KDM2B: variants seen among roughly 807,000 people sequenced by gnomAD.
KDM2B encodes the protein lysine-specific demethylase 2B.
Under a neutral mutation model 150.0 loss-of-function variants are expected in KDM2B, and 26 were observed. That is an observed-to-expected ratio of 0.17 (90% CI 0.13 to 0.24). KDM2B has a LOEUF of 0.24. Among genes scored for constraint, KDM2B ranks in the 10% least tolerant of loss-of-function variants. The pLI is 1.00. For synonymous variants in KDM2B, 734 were observed against 729.5 expected, an observed-to-expected ratio of 1.01 and a Z score of -0.10; for missense variants, 1,265 against 1,816.9, an observed-to-expected ratio of 0.70 and a Z score of 5.52.
Position 121,539,858 on chromosome 12 carries a change from G to C in KDM2B, c.684-5268C>G, listed in dbSNP as rs1009561668. Among the ~76,000 whole-genome samples the C allele has an allele frequency of 3.3e-5, 5 of 152,164 alleles. No homozygotes were observed. The East Asian group carries it at 9.7e-4, about 29-fold the overall frequency. On this transcript the variant is annotated intron_variant, in intron 6 of 22. Coordinates refer to ENST00000377071, the MANE Select transcript of KDM2B (RefSeq NM_032590.5). ...GAGTTTAAGAGATTCTCATGCCTCA[G>C]CTTCCCAAGTAGCTGGGACTCCAGG... is the stretch of plus-strand genomic sequence containing the variant.
At chr12:121,485,767 A>T (rs1490632427) in intron 12 of KDM2B, among the ~76,000 whole-genome samples, 1 of 151,686 alleles carries the variant, frequency 6.6e-6, no homozygotes, top group Non-Finnish European at 1.5e-5. Context: ...AGGTAAAAAT[A>T]GTTGAAATGA....
chr12:121,559,551 G>A (rs782500954), intron 4 of KDM2B, among the ~76,000 whole-genome samples: 3 of 152,114 alleles, frequency 2.0e-5, no homozygotes, highest in East Asian at 1.9e-4. Context: ...GCAACAGAGG[G>A]GACCAGGGAG....
Position 121,533,042 on chromosome 12 carries a change from G to T in KDM2B, c.778-83C>A, listed in dbSNP as rs1366823003. On this transcript the variant is annotated intron_variant, in intron 7 of 22. Coordinates refer to ENST00000377071, the MANE Select transcript of KDM2B (RefSeq NM_032590.5). The surrounding 1 kb of genome is among the most constrained non-coding windows in gnomAD (Gnocchi z 4.1). Reference sequence around the variant, plus strand: ...GAGGGCCCCACCTGCCTGGCGGAAGGGGAGGGGGCGAGACAAGCTGTGTGT... The same window carrying T: ...GAGGGCCCCACCTGCCTGGCGGAAGTGGAGGGGGCGAGACAAGCTGTGTGT... 3.0e-5 allele frequency: 43 copies of T among 1,426,778 alleles called. No individual in the cohort carries two copies. The highest frequency in any genetic ancestry group is 4.1e-5 in the Non-Finnish European group (42 of 1,028,946). The allele number at this position is 1,426,778 out of a possible 1,614,324, so 88.4% of individuals were successfully genotyped here. A position where few individuals can be genotyped will look rare whatever the true frequency, so the allele number is the denominator to read the frequency against.
intron 6 of KDM2B, among the ~76,000 whole-genome samples, chr12:121,543,972 G>A (rs1888811746): frequency 6.6e-6 from 1 of 151,788 alleles, no homozygotes; most frequent in Admixed American, 6.6e-5. Flanking sequence ...AAATTAGCCA[G>A]GCGTGGTGGT....
chr12:121,433,086 T>C (rs1408385506), intron 22 of KDM2B: 2 of 452,182 alleles, frequency 4.4e-6, no homozygotes, highest in African/African-American at 4.0e-5. Context: ...TTTTCTGAGT[T>C]GTCTTTGGGT....
Position 121,444,124 on chromosome 12 carries a change from T to G in KDM2B, c.2339A>C (p.Glu780Ala). The G allele has an allele frequency of 1.2e-6, 2 of 1,613,348 alleles. No individual in the cohort carries two copies. The highest frequency in any genetic ancestry group is 1.7e-6 in the Non-Finnish European group (2 of 1,180,032). Residue 780 changes from glutamate to alanine, a missense_variant, in exon 16 of 23, where the codon GAG becomes GCG. Around this residue, in one of 11 missense-constraint regions of KDM2B, gnomAD observed 418 missense variants for 402.4 expected, o/e 1.04. Coordinates refer to ENST00000377071, the MANE Select transcript of KDM2B (RefSeq NM_032590.5). Reference protein sequence around the residue: ...CEEAPRRRSDEHSKKVPPDGL... With the variant: ...CEEAPRRRSDAHSKKVPPDGL... ...GTCCGGCGGCACCTTCTTCGAGTGC[T>G]CATCCGACCTGCGCCGGGGCGCCTC... is the stretch of plus-strand genomic sequence containing the variant.
the KDM2B span, among the ~76,000 whole-genome samples, chr12:121,412,495 G>T: frequency 6.6e-6 from 1 of 151,380 alleles, no homozygotes. Context: ...TGCCTGCCTT[G>T]TCCTCCCAAA....
rs1886682316 is a variant in KDM2B, at chr12:121,521,441, C to T, written c.932-341G>A. On this transcript the variant is annotated intron_variant, in intron 8 of 22. Coordinates refer to ENST00000377071, the MANE Select transcript of KDM2B (RefSeq NM_032590.5). The surrounding 1 kb of genome is among the most constrained non-coding windows in gnomAD (Gnocchi z 4.9). ...AGCAGAGAGGCAGGCCCTTTCTCCA[C>T]CTCCATGCAGGCCACGGAGCCTCAC... Among the ~76,000 whole-genome samples, 1 of 152,316 alleles carries T rather than the reference C, an allele frequency of 6.6e-6. No individual in the cohort carries two copies. The highest frequency in any genetic ancestry group is 2.1e-4 in the South Asian group (1 of 4,830).
At chr12:121,547,887 C>T (rs1336944077) in intron 6 of KDM2B, among the ~76,000 whole-genome samples, 2 of 152,026 alleles carry the variant, frequency 1.3e-5, no homozygotes, top group South Asian at 2.1e-4. Context: ...GTGATCTGCC[C>T]GCCTCAGCCT....
downstream of KDM2B, among the ~76,000 whole-genome samples, chr12:121,426,330 C>T (rs1322375917): frequency 2.6e-5 from 4 of 151,942 alleles, no homozygotes; most frequent in Non-Finnish European, 5.9e-5. Flanking sequence ...AAATGTCAGA[C>T]AACAGAAATG....
At chr12:121,499,877 A>G (rs1356046884) in intron 11 of KDM2B, among the ~76,000 whole-genome samples, 12 of 151,984 alleles carry the variant, frequency 7.9e-5, no homozygotes, top group African/African-American at 2.9e-4. Flanking sequence ...TTGAACCCGG[A>G]GGCAGAGGTT....
intron 21 of KDM2B, 185 bp downstream of exon 21, chr12:121,440,631 A>G (rs112411464): frequency 3.4e-6 from 2 of 592,106 alleles, no homozygotes; most frequent in African/African-American, 3.7e-5. Context: ...AGCGAGTCTC[A>G]CGTGTGCACA....
intron 11 of KDM2B, among the ~76,000 whole-genome samples, chr12:121,505,072 A>C (rs1443827833): frequency 6.7e-6 from 1 of 148,216 alleles, no homozygotes; most frequent in South Asian, 2.1e-4. Flanking sequence ...AGCCGAGATC[A>C]CGCCACTGCA....
chr12:121,542,650 G>A (rs1264785860), intron 6 of KDM2B, among the ~76,000 whole-genome samples: 2 of 152,196 alleles, frequency 1.3e-5, no homozygotes, highest in Admixed American at 1.3e-4. Context: ...CTATCTATTT[G>A]GTTATAAGGA....
At chr12:121,563,476 G>T (rs1184079116) in intron 4 of KDM2B, among the ~76,000 whole-genome samples, 1 of 151,386 alleles carries the variant, frequency 6.6e-6, no homozygotes, top group Non-Finnish European at 1.5e-5. Context: ...GCGTGGCGGC[G>T]GCTGCCCGTA....
chr12:121,550,309 C>CA (rs782618970), intron 4 of KDM2B, among the ~76,000 whole-genome samples: 10,344 of 106,912 alleles, frequency 0.097, 562 homozygotes, highest in South Asian at 0.24. Flanking sequence ...GACTTTGTCT[C>CA]AAAAAAAAAA....
At chr12:121,514,203 T>C (rs1280154799) in intron 9 of KDM2B, among the ~76,000 whole-genome samples, 1 of 152,120 alleles carries the variant, frequency 6.6e-6, no homozygotes, top group Non-Finnish European at 1.5e-5. Flanking sequence ...AGCCTCGACC[T>C]CCTGGGCTCA....
At chr12:121,568,374 C>T (rs1406483144) in intron 4 of KDM2B, among the ~76,000 whole-genome samples, 5 of 151,942 alleles carry the variant, frequency 3.3e-5, no homozygotes, top group South Asian at 2.1e-4. Flanking sequence ...GCAGGAGAAA[C>T]GCTTGAACCC....
chr12:121,479,175 C>A (rs1021940092), intron 12 of KDM2B, among the ~76,000 whole-genome samples: 1 of 151,538 alleles, frequency 6.6e-6, no homozygotes, highest in African/African-American at 2.4e-5. Flanking sequence ...CTTGGCCGGG[C>A]GCGGTGGCTC....
Sources: allele counts gnomAD v4.1 joint callset (sites outside exome capture counted in the v4.1 genomes callset), GRCh38; gene constraint gnomAD v4.1.1; regional missense constraint gnomAD v4.1.1; non-coding constraint Gnocchi (gnomAD v3.1); transcripts MANE v1.5; gene names NCBI Gene and HGNC (gene_info 2026-07-23, HGNC 2026-07-21).